CCDC178: variants seen among roughly 807,000 people sequenced by gnomAD.
The protein encoded by CCDC178 is coiled-coil domain containing 178.
A neutral mutation model predicts 117.4 loss-of-function variants in CCDC178; 126 were observed. The ratio of observed to expected loss-of-function variants is 1.07; its 90% CI spans 0.93 to 1.24. The LOEUF (loss-of-function observed/expected upper bound fraction) is 1.24. CCDC178 is among the 50% of genes most tolerant of loss of function. CCDC178 has a pLI of 0.00. For synonymous variants in CCDC178, 283 were observed against 313.4 expected, an observed-to-expected ratio of 0.90 and a Z score of 1.02; for missense variants, 1,030 against 986.9, an observed-to-expected ratio of 1.04 and a Z score of -0.59.
Position 32,971,924 on chromosome 18 carries a change from TTGTC to T in CCDC178, c.2523+2619_2523+2622del, listed in dbSNP as rs200195129. Among the ~76,000 whole-genome samples, 385 of 152,302 alleles carry T rather than the reference TTGTC, an allele frequency of 2.5e-3. 1 individual carries two copies. The highest frequency in any genetic ancestry group is 8.9e-3 in the African/African-American group (370 of 41,582). ...CTTGTGGATTCTGGATATTAGACCTTTGTCTGATGGGTAGATCACAAACTTTTTT... is the reference window on the plus strand; with the variant it reads ...CTTGTGGATTCTGGATATTAGACCTTTGATGGGTAGATCACAAACTTTTTT... On this transcript the variant is annotated intron_variant, in intron 22 of 22. Coordinates refer to ENST00000383096, the MANE Select transcript of CCDC178 (RefSeq NM_001105528.4).
At chr18:33,315,862 T>C (rs1267055385) in intron 11 of CCDC178, among the ~76,000 whole-genome samples, 1 of 152,238 alleles carries the variant, frequency 6.6e-6, no homozygotes, top group African/African-American at 2.4e-5. Context: ...GCATTCCTAA[T>C]TTTGTGTTAA....
intron 20 of CCDC178, among the ~76,000 whole-genome samples, chr18:33,123,528 A>T (rs1265433805): frequency 6.6e-6 from 1 of 152,190 alleles, no homozygotes; most frequent in Non-Finnish European, 1.5e-5. Flanking sequence ...AAAAGAAATT[A>T]AAAAGAAGCA....
intron 6 of CCDC178, among the ~76,000 whole-genome samples, chr18:33,366,396 C>T (rs1420342380): frequency 1.3e-5 from 2 of 151,868 alleles, no homozygotes; most frequent in African/African-American, 4.8e-5. Flanking sequence ...CATCATTGCA[C>T]CAAACTTTTG....
intron 21 of CCDC178, among the ~76,000 whole-genome samples, chr18:32,995,090 A>T (rs1302288978): frequency 6.6e-6 from 1 of 152,162 alleles, no homozygotes; most frequent in Non-Finnish European, 1.5e-5. Context: ...CCATTGTGTA[A>T]TGGAATTACA....
chr18:33,056,149 GAC>G (rs1422041302), intron 21 of CCDC178, among the ~76,000 whole-genome samples: 1 of 152,110 alleles, frequency 6.6e-6, no homozygotes, highest in Non-Finnish European at 1.5e-5. Flanking sequence ...TGCCTATGGG[GAC>G]ACACATGCTT....
chr18:33,095,783 T>C (rs927702407), intron 20 of CCDC178, among the ~76,000 whole-genome samples: 21 of 151,848 alleles, frequency 1.4e-4, no homozygotes, highest in African/African-American at 2.4e-4. Context: ...TATATATATA[T>C]ACACACTTTT....
At chr18:33,196,678 G>A (rs933786383) in intron 20 of CCDC178, among the ~76,000 whole-genome samples, 4 of 151,982 alleles carry the variant, frequency 2.6e-5, no homozygotes, top group East Asian at 1.9e-4. Flanking sequence ...CTGAGCATAC[G>A]AATATCTTTA....
chr18:33,285,916 C>T (rs1372784375), intron 12 of CCDC178, among the ~76,000 whole-genome samples: 1 of 150,742 alleles, frequency 6.6e-6, no homozygotes, highest in Non-Finnish European at 1.5e-5. Flanking sequence ...ATATATGCCA[C>T]ACAAAATACA....
At chr18:33,186,646 A>G (rs181407956) in intron 20 of CCDC178, among the ~76,000 whole-genome samples, 17 of 152,156 alleles carry the variant, frequency 1.1e-4, no homozygotes, top group African/African-American at 4.1e-4. Flanking sequence ...TGAGATTGTT[A>G]CTTTTTCTTT....
intron 22 of CCDC178, among the ~76,000 whole-genome samples, chr18:32,971,235 C>T (rs1435772642): frequency 2.0e-5 from 3 of 151,774 alleles, no homozygotes; most frequent in Non-Finnish European, 2.9e-5. Flanking sequence ...CATGTGTTCT[C>T]ATTGTTCAAC....
chr18:33,026,678 G>GAAATGAATGGTAGAAGT (rs918284909), intron 21 of CCDC178, among the ~76,000 whole-genome samples: 50 of 151,956 alleles, frequency 3.3e-4, no homozygotes, highest in African/African-American at 1.1e-3. Context: ...GAAATGATAG[G>GAAATGAATGGTAGAAGT]AAATGAATGG....
chr18:33,383,000 A>C (rs965066608), intron 5 of CCDC178, among the ~76,000 whole-genome samples: 21 of 150,936 alleles, frequency 1.4e-4, no homozygotes, highest in African/African-American at 4.9e-4. Context: ...GGGCAGGGGG[A>C]GGGGATAGCG....
intron 11 of CCDC178, among the ~76,000 whole-genome samples, chr18:33,306,536 A>G: frequency 6.8e-6 from 1 of 147,008 alleles, no homozygotes; most frequent in South Asian, 2.1e-4. Context: ...ATATGGTTAT[A>G]TATAATATAT....
At chr18:33,240,584 A>G (rs1303494472) in intron 15 of CCDC178, among the ~76,000 whole-genome samples, 1 of 151,938 alleles carries the variant, frequency 6.6e-6, no homozygotes, top group African/African-American at 2.4e-5. Flanking sequence ...ACTTCAATGA[A>G]CAGTTATACA....
chr18:33,404,793 T>C (rs1163322446), intron 3 of CCDC178, among the ~76,000 whole-genome samples: 1 of 152,064 alleles, frequency 6.6e-6, no homozygotes, highest in Non-Finnish European at 1.5e-5. Flanking sequence ...AGGAATTAAA[T>C]ATGAATACAT....
In CCDC178 at chr18:33,211,950, A is replaced by C. The variant is rs751307121; in HGVS notation, c.2184T>G (p.Asp728Glu). 1 of 1,610,374 alleles carries C rather than the reference A, an allele frequency of 6.2e-7. No individual in the cohort carries two copies. Among genetic ancestry groups the C allele is most frequent in the Non-Finnish European group, 8.5e-7 (1 of 1,178,246 alleles). The change falls in exon 20 of 23, where the codon GAT becomes GAG. Residue 728 changes from aspartate (D) to glutamate (E), a missense_variant. Transcript: ENST00000383096. ...KDCEERIFEE[D>E]QRFRVLLAVR... ...CAGCAAGGAGCACTCTAAATCTCTGATCTTCCTCAAAGATTCTCTCTTCAC... is the reference window on the plus strand; with the variant it reads ...CAGCAAGGAGCACTCTAAATCTCTGCTCTTCCTCAAAGATTCTCTCTTCAC...
In CCDC178 at chr18:33,344,306, G is replaced by A. The variant is rs1279862744; in HGVS notation, c.658+1905C>T. 8.4e-5 allele frequency among the ~76,000 whole-genome samples: 6 copies of A among 71,612 alleles called. No homozygotes were observed. In the East Asian group the frequency reaches 2.3e-3, roughly 27 times the overall value. 47.0% of individuals were successfully genotyped at this position (71,612 alleles called of 152,430 possible). On this transcript the variant is annotated intron_variant, in intron 9 of 22. Transcript: ENST00000383096. ...GGCCTGGGCGACAGAGCGAGACTCC[G>A]TCTCAAAAAAAAAAAAAAAAAAAAA...
At chr18:33,254,265 C>G (rs2059652454) in intron 14 of CCDC178, among the ~76,000 whole-genome samples, 1 of 149,970 alleles carries the variant, frequency 6.7e-6, no homozygotes, top group African/African-American at 2.5e-5. Context: ...CACACACACA[C>G]ACACACACAC....
intron 21 of CCDC178, among the ~76,000 whole-genome samples, chr18:33,040,826 A>G (rs1395260670): frequency 6.6e-6 from 1 of 152,000 alleles, no homozygotes; most frequent in South Asian, 2.1e-4. Flanking sequence ...CCTGAGGACA[A>G]TGCTGGTGAA....
Sources: gnomAD v4.1 joint callset for allele counts (sites outside exome capture counted in the v4.1 genomes callset) on GRCh38, gnomAD v4.1.1 for gene constraint, MANE v1.5 for transcripts, NCBI Gene and HGNC (gene_info 2026-07-23, HGNC 2026-07-21) for gene names.